Variants in FARP2 observed in about 807,000 individuals in gnomAD.
FARP2 encodes FERM, ARH/RhoGEF and pleckstrin domain protein 2.
Under a neutral mutation model 130.5 loss-of-function variants are expected in FARP2, and 111 were observed. That is an observed-to-expected ratio of 0.85 (90% CI 0.73 to 1.00). The LOEUF is 1.00. Among genes scored for constraint, FARP2 ranks in the 50% least tolerant of loss-of-function variants. The pLI, the probability that FARP2 is intolerant of heterozygous loss-of-function variation, is 0.00. For synonymous variants in FARP2, 504 were observed against 516.9 expected (o/e 0.98, Z 0.34); for missense variants, 1,385 against 1,346.3 (o/e 1.03, Z -0.45).
rs963324652 is a variant in FARP2, at chr2:241,465,908, C to G, written c.1893+1928C>G. 7.7e-6 allele frequency: 11 copies of G among 1,433,918 alleles called. No individual in the cohort carries two copies. In the African/African-American group the frequency reaches 1.0e-4, roughly 13 times the overall value. 88.8% of individuals were successfully genotyped at this position (1,433,918 alleles called of 1,614,324 possible). A position where few individuals can be genotyped will look rare whatever the true frequency, so the allele number is the denominator to read the frequency against. ...CCCCACTTGAAGAACTGCATTCAGCCTAGGTGCCCTTTTCCTGCCTCGACG... is the reference window on the plus strand; with the variant it reads ...CCCCACTTGAAGAACTGCATTCAGCGTAGGTGCCCTTTTCCTGCCTCGACG... On this transcript the variant is annotated intron_variant, in intron 17 of 26. Transcript: ENST00000264042.
chr2:241,478,726 G>A, intron 19 of FARP2: 1 of 463,370 alleles, frequency 2.2e-6, no homozygotes, highest in South Asian at 1.7e-5. Flanking sequence ...GAGAACAAGA[G>A]AGCAAAACAT....
chr2:241,366,134 T>TAC (rs1242758200), intron 1 of FARP2, among the ~76,000 whole-genome samples: 4,075 of 74,358 alleles, frequency 0.055, 433 homozygotes, highest in East Asian at 0.24. Context: ...TATATATATA[T>TAC]ATATACACAC....
chr2:241,378,353 C>T (rs1211336443), intron 2 of FARP2, among the ~76,000 whole-genome samples: 6 of 151,410 alleles, frequency 4.0e-5, no homozygotes, highest in Non-Finnish European at 7.4e-5. Context: ...TTAAGTGATC[C>T]GCCTCCCCCC....
chr2:241,409,586 A>T (rs2062461336), intron 5 of FARP2, among the ~76,000 whole-genome samples: 1 of 152,154 alleles, frequency 6.6e-6, no homozygotes, highest in South Asian at 2.1e-4. Flanking sequence ...AAAAAGTAAA[A>T]GTTCTCCATT....
chr2:241,383,289 G>T (rs533273967), intron 2 of FARP2, among the ~76,000 whole-genome samples: 2 of 152,342 alleles, frequency 1.3e-5, no homozygotes, highest in African/African-American at 4.8e-5. Flanking sequence ...TAGTGCCCAG[G>T]AGAGAAATAA....
chr2:241,374,212 A>G (rs548797353), intron 2 of FARP2, among the ~76,000 whole-genome samples: 2 of 152,102 alleles, frequency 1.3e-5, no homozygotes, highest in African/African-American at 4.8e-5. Context: ...GGGTTTTGCC[A>G]TGTTGCCCAG....
At chr2:241,479,550 C>T (rs1287745524) in intron 19 of FARP2, among the ~76,000 whole-genome samples, 1 of 152,270 alleles carries the variant, frequency 6.6e-6, no homozygotes, top group Non-Finnish European at 1.5e-5. Context: ...CTTTCCGACA[C>T]AGGCTATGAT....
chr2:241,468,844 A>G (rs560250706), intron 18 of FARP2, among the ~76,000 whole-genome samples: 1 of 152,340 alleles, frequency 6.6e-6, no homozygotes, highest in African/African-American at 2.4e-5. Context: ...AGAAGTTTTT[A>G]ACATAGGCAG....
chr2:241,432,642 A>C (rs1164299122), intron 9 of FARP2, among the ~76,000 whole-genome samples: 1 of 152,234 alleles, frequency 6.6e-6, no homozygotes, highest in African/African-American at 2.4e-5. Flanking sequence ...CTGACTGCTC[A>C]TTAATAAAAT....
intron 17 of FARP2, chr2:241,466,133 A>C: frequency 9.4e-7 from 1 of 1,061,906 alleles, no homozygotes. Context: ...CCACAAAACC[A>C]AATCTGGGTG....
chr2:241,433,877 T>G (rs890395047), intron 9 of FARP2, among the ~76,000 whole-genome samples: 11 of 152,170 alleles, frequency 7.2e-5, no homozygotes, highest in Admixed American at 4.6e-4. Context: ...AATACAAAAA[T>G]CAGCTGGGCT....
intron 2 of FARP2, among the ~76,000 whole-genome samples, chr2:241,381,521 C>T (rs1485675371): frequency 1.3e-5 from 2 of 152,120 alleles, no homozygotes; most frequent in Admixed American, 6.5e-5. Context: ...CACAACAGAC[C>T]TCAGAGCCCT....
At chr2:241,378,158 A>G (rs185983006) in intron 2 of FARP2, among the ~76,000 whole-genome samples, 4 of 151,452 alleles carry the variant, frequency 2.6e-5, no homozygotes, top group Non-Finnish European at 4.4e-5. Flanking sequence ...CTGGAGTGCA[A>G]TGGCATGATT....
intron 8 of FARP2, among the ~76,000 whole-genome samples, chr2:241,428,234 C>CT (rs11397989): frequency 0.63 from 78,571 of 124,882 alleles, 25,742 homozygotes; most frequent in Admixed American, 0.7. Flanking sequence ...CAATATTTTA[C>CT]TTTTTTTTTT....
intron 12 of FARP2, among the ~76,000 whole-genome samples, chr2:241,440,407 G>A (rs553788073): frequency 6.6e-6 from 1 of 152,276 alleles, no homozygotes; most frequent in Non-Finnish European, 1.5e-5. Context: ...GGGAGGATGT[G>A]TTAGGGCACC....
At position 241,403,918 on chromosome 2, in the gene FARP2, A is replaced by C. The variant is rs2062261311; in HGVS notation, c.274A>C (p.Thr92Pro). 6.2e-7 allele frequency: 1 copy of C among 1,605,474 alleles called. No individual in the cohort carries two copies. Among genetic ancestry groups the C allele is most frequent in the African/African-American group, 1.3e-5 (1 of 74,908 alleles). ...CDYFGMEFQN[T>P]QSYWIWLEPM... ...CTACTTCGGGATGGAGTTTCAAAAT[A>C]CTCAGTCCTACTGGGTAAGTGCTTA... is the stretch of plus-strand genomic sequence containing the variant. Residue 92 changes from threonine (T) to proline (P), a missense_variant, in exon 3 of 27, where the codon ACT becomes CCT. Coordinates refer to ENST00000264042, the MANE Select transcript of FARP2 (RefSeq NM_014808.4).
chr2:241,418,001 A>G lies in FARP2; in HGVS notation c.663A>G (p.Glu221=), dbSNP rs1161192674. The G allele has an allele frequency of 5.6e-6, 9 of 1,614,052 alleles. No homozygotes were observed. The highest frequency in any genetic ancestry group is 1.7e-5 in the Admixed American group (1 of 59,998). ...TPAESDFQVL[E]IARKLEMYGI... is the part of the protein sequence containing the mutation. Reference sequence around the variant, plus strand: ...CTGAGTCGGATTTCCAGGTGCTCGAAATTGCTCGAAAGTTGGAAATGTACG... The same window carrying G: ...CTGAGTCGGATTTCCAGGTGCTCGAGATTGCTCGAAAGTTGGAAATGTACG... The change falls in exon 8 of 27, where the codon GAA becomes GAG. Residue 221 remains glutamate (E), a synonymous_variant. Transcript: ENST00000264042.
intron 21 of FARP2, among the ~76,000 whole-genome samples, chr2:241,487,016 G>A (rs1312112207): frequency 6.6e-6 from 1 of 152,138 alleles, no homozygotes; most frequent in Non-Finnish European, 1.5e-5. Context: ...CTGTGTCCTG[G>A]CATTCCATGC....
At chr2:241,391,354 G>T (rs2061899769) in intron 2 of FARP2, among the ~76,000 whole-genome samples, 1 of 152,328 alleles carries the variant, frequency 6.6e-6, no homozygotes, top group East Asian at 1.9e-4. Flanking sequence ...GGAAGATGGG[G>T]TTGTAGTGAA....
Sources: allele counts gnomAD v4.1 joint callset (sites outside exome capture counted in the v4.1 genomes callset), GRCh38; gene constraint gnomAD v4.1.1; transcripts MANE v1.5; gene names NCBI Gene and HGNC (gene_info 2026-07-23, HGNC 2026-07-21).